The following IARS1 variants were observed in gnomAD, a reference collection of about 807,000 sequenced individuals.
The protein encoded by IARS1 is isoleucyl-tRNA synthetase 1, also known as isoleucine--tRNA ligase, cytoplasmic.
A neutral mutation model predicts 168.2 loss-of-function variants in IARS1; 124 were observed. The ratio of observed to expected loss-of-function variants is 0.74; its 90% confidence interval spans 0.64 to 0.86. The LOEUF (loss-of-function observed/expected upper bound fraction) is 0.86, where lower values mean the gene tolerates loss of function less well. IARS1 is among the 40% of genes least tolerant of loss of function. The pLI, the probability that IARS1 is intolerant of heterozygous loss-of-function variation, is 0.00. For synonymous variants in IARS1, 532 were observed against 529.4 expected (o/e 1.00, Z -0.07); for missense variants, 1,452 against 1,515.8 (o/e 0.96, Z 0.70).
chr9:92,249,821 C>G (rs1173499715), intron 25 of IARS1, 37 bp downstream of exon 25: 1 of 1,049,032 alleles, frequency 9.5e-7, no homozygotes, highest in South Asian at 1.4e-5. Context: ...TGTTCTAAGT[C>G]TATCTGTACC....
At chr9:92,241,169 A>C (rs1828344338) in intron 29 of IARS1, among the ~76,000 whole-genome samples, 1 of 152,198 alleles carries the variant, frequency 6.6e-6, no homozygotes, top group Admixed American at 6.5e-5. Flanking sequence ...ATATATGCTC[A>C]CTTAAAAAAA....
chr9:92,264,075 C>T (rs1239597356), intron 16 of IARS1, among the ~76,000 whole-genome samples: 7 of 152,138 alleles, frequency 4.6e-5, no homozygotes, highest in African/African-American at 1.7e-4. Context: ...TGGCTCACGC[C>T]TGTAATCCCA....
At chr9:92,252,025 GC>G in intron 21 of IARS1, 140 bp from the exon 22 acceptor site, 1 of 674,524 alleles carries the variant, frequency 1.5e-6, no homozygotes, top group Non-Finnish European at 2.5e-6. Context: ...AGGAGAAAGG[GC>G]CACGACCACA....
chr9:92,220,636 C>CAAAT (rs1839527138), intron 33 of IARS1, among the ~76,000 whole-genome samples: 1 of 151,434 alleles, frequency 6.6e-6, no homozygotes, highest in Non-Finnish European at 1.5e-5. Context: ...AACAAACAAA[C>CAAAT]AAACAAACAA....
At chr9:92,292,260 A>C (rs1420119719) in intron 1 of IARS1, among the ~76,000 whole-genome samples, 1 of 147,866 alleles carries the variant, frequency 6.8e-6, no homozygotes, top group East Asian at 2.0e-4. Context: ...GCTGGTCTTC[A>C]ACTCCTAGGC....
At chr9:92,285,594 G>T in intron 6 of IARS1, 128 bp downstream of exon 6, 1 of 621,482 alleles carries the variant, frequency 1.6e-6, no homozygotes, top group Non-Finnish European at 3.0e-6. Flanking sequence ...GTAAGAAGTG[G>T]TCAAAGTGGT....
chr9:92,252,593 C>A (rs1007424803), intron 21 of IARS1, among the ~76,000 whole-genome samples: 1 of 151,494 alleles, frequency 6.6e-6, no homozygotes, highest in African/African-American at 2.4e-5. Context: ...GTGGTGAAAC[C>A]CTGTCTCTGC....
At chr9:92,262,397 T>C (rs1392763399) in intron 17 of IARS1, among the ~76,000 whole-genome samples, 1 of 152,248 alleles carries the variant, frequency 6.6e-6, no homozygotes, top group Non-Finnish European at 1.5e-5. Flanking sequence ...ATATTTCATT[T>C]TAAAATTTTC....
At chr9:92,290,591 G>A (rs1836165562) in intron 1 of IARS1, among the ~76,000 whole-genome samples, 2 of 151,952 alleles carry the variant, frequency 1.3e-5, no homozygotes, top group Admixed American at 6.6e-5. Flanking sequence ...TGAGCTTTTG[G>A]TGTCATCAAT....
At chr9:92,270,194 G>T (rs1832819960) in intron 12 of IARS1, among the ~76,000 whole-genome samples, 1 of 152,096 alleles carries the variant, frequency 6.6e-6, no homozygotes, top group South Asian at 2.1e-4. Context: ...ACAAGAACAA[G>T]AGTAGAAAAA....
In IARS1 at chr9:92,274,537, A is replaced by G; in HGVS notation, c.895-16T>C. On this transcript the variant is annotated splice_polypyrimidine_tract_variant and intron_variant, in intron 9 of 33. Coordinates refer to ENST00000443024, the MANE Select transcript of IARS1 (RefSeq NM_002161.6). Reference sequence around the variant, plus strand: ...TCTCTTTACACTGGAAAGAAAGGACAGCAGGCTTCAGGGATGAAACATTAC... The same window carrying G: ...TCTCTTTACACTGGAAAGAAAGGACGGCAGGCTTCAGGGATGAAACATTAC... 2 of 1,570,176 alleles carry G rather than the reference A, an allele frequency of 1.3e-6. No individual in the cohort carries two copies. The highest frequency in any genetic ancestry group is 1.8e-6 in the Non-Finnish European group (2 of 1,140,228).
chr9:92,218,909 T>C (rs1839218157), intron 33 of IARS1, among the ~76,000 whole-genome samples: 1 of 151,898 alleles, frequency 6.6e-6, no homozygotes. Flanking sequence ...TTCACAGAAT[T>C]GGAAAAAACT....
At chr9:92,267,924 T>C (rs1458536288) in intron 14 of IARS1, among the ~76,000 whole-genome samples, 1 of 152,206 alleles carries the variant, frequency 6.6e-6, no homozygotes, top group African/African-American at 2.4e-5. Flanking sequence ...TGTATTTCCC[T>C]GAGAAAACTG....
chr9:92,287,758 G>T lies in IARS1; in HGVS notation c.396+33C>A, dbSNP rs754884717. ...CAATGCCCATTTAGTAACTACATTT[G>T]CTGTTCATTCTACTGAAAAAAACCC... On this transcript the variant is annotated intron_variant, in intron 4 of 33. Coordinates refer to ENST00000443024, the MANE Select transcript of IARS1 (RefSeq NM_002161.6). The T allele has an allele frequency of 8.2e-6, 13 of 1,592,092 alleles. No individual in the cohort carries two copies. In the South Asian group the frequency reaches 1.5e-4, roughly 18 times the overall value.
chr9:92,235,371 T>C (rs1587743736), intron 30 of IARS1, among the ~76,000 whole-genome samples: 1 of 152,154 alleles, frequency 6.6e-6, no homozygotes, highest in East Asian at 1.9e-4. Flanking sequence ...ATGCTCATTA[T>C]CCAGTCCACA....
At position 92,210,846 on chromosome 9, in the gene IARS1, A is replaced by C. The variant is rs772390536; in HGVS notation, c.3750T>G (p.Thr1250=). 2 of 1,611,920 alleles carry C rather than the reference A, an allele frequency of 1.2e-6. No individual in the cohort carries two copies. The highest frequency in any genetic ancestry group is 1.7e-5 in the Admixed American group (1 of 60,026). Residue 1250 remains threonine, a synonymous_variant, in exon 34 of 34, where the codon ACT becomes ACG. Transcript: ENST00000443024. The stretch of plus-strand genomic sequence containing the variant: ...TTGTTGGTAACACAGAAACATACAC[A>C]GTCTTCATATTCAAAGTCTTCACGG... ...DIPVKTLNMK[T]VYVSVLPTTA...
chr9:92,276,647 A>T (rs1464718094), intron 9 of IARS1, among the ~76,000 whole-genome samples: 1 of 152,230 alleles, frequency 6.6e-6, no homozygotes, highest in East Asian at 1.9e-4. Flanking sequence ...CTCTCCCCAC[A>T]CGGAACAGAA....
intron 30 of IARS1, chr9:92,240,590 T>A: frequency 1.5e-6 from 1 of 669,448 alleles, no homozygotes; most frequent in Non-Finnish European, 2.7e-6. Flanking sequence ...GGCAGGATCT[T>A]ATTATGTTGG....
At chr9:92,239,526 T>C (rs1828041166) in intron 30 of IARS1, among the ~76,000 whole-genome samples, 2 of 152,202 alleles carry the variant, frequency 1.3e-5, no homozygotes, top group African/African-American at 2.4e-5. Context: ...TGGATTCTTT[T>C]GGGTTTATCC....
Sources: gnomAD v4.1 joint callset for allele counts (sites outside exome capture counted in the v4.1 genomes callset) on GRCh38, gnomAD v4.1.1 for gene constraint, MANE v1.5 for transcripts, NCBI Gene and HGNC (gene_info 2026-07-23, HGNC 2026-07-21) for gene names.